Variants in ERBB4 observed in about 807,000 individuals in gnomAD.
ERBB4 encodes the protein erb-b2 receptor tyrosine kinase 4.
ERBB4 carries 42 observed loss-of-function variants against 158.0 expected under a neutral mutation model. The ratio of observed to expected loss-of-function variants is 0.27; its 90% CI spans 0.21 to 0.34. ERBB4 has a LOEUF of 0.34. Ranked by LOEUF, ERBB4 falls within the 10% of genes least tolerant of loss-of-function variation. The pLI is 1.00. For synonymous variants in ERBB4, 583 were observed against 558.7 expected, an observed-to-expected ratio of 1.04 and a Z score of -0.61; for missense variants, 1,333 against 1,624.1, an observed-to-expected ratio of 0.82 and a Z score of 3.08.
chr2:212,163,219 G>A (rs566212017), intron 1 of ERBB4, among the ~76,000 whole-genome samples: 96 of 152,006 alleles, frequency 6.3e-4, no homozygotes, highest in African/African-American at 2.2e-3. Context: ...GTGTGTGTAT[G>A]TATATATACT....
intron 3 of ERBB4, among the ~76,000 whole-genome samples, chr2:211,936,311 CT>C (rs527876609): frequency 1.9e-4 from 29 of 151,546 alleles, no homozygotes; most frequent in Non-Finnish European, 2.5e-4. Flanking sequence ...TTTATATCAG[CT>C]TTTTTCAACA....
intron 2 of ERBB4, among the ~76,000 whole-genome samples, chr2:211,952,637 A>C (rs1259442384): frequency 2.6e-5 from 4 of 152,096 alleles, no homozygotes; most frequent in Non-Finnish European, 5.9e-5. Context: ...TTGGACTCCA[A>C]ACCTAGCCTT....
Position 212,321,625 on chromosome 2 carries a change from G to T in ERBB4, c.83-196722C>A, listed in dbSNP as rs992496650. 6.6e-5 allele frequency among the ~76,000 whole-genome samples: 10 copies of T among 150,446 alleles called. 1 individual carries two copies. The highest frequency in any genetic ancestry group is 1.5e-4 in the Non-Finnish European group (10 of 67,110). On this transcript the variant is annotated intron_variant, in intron 1 of 27. Transcript: ENST00000342788. ...GATCACTTGCACCAAGGTGTTCAAG[G>T]CTGCAATAAACTAGGATTGTACCAT...
At position 211,639,020 on chromosome 2, in the gene ERBB4, A is replaced by G. The variant is rs533061052; in HGVS notation, c.1947-8426T>C. Among the ~76,000 whole-genome samples, 232 of 152,300 alleles carry G rather than the reference A, an allele frequency of 1.5e-3. 1 individual carries two copies. Among genetic ancestry groups the G allele is most frequent in the Non-Finnish European group, 6.9e-4 (47 of 68,010 alleles). ...TCTACACCCAGGATTTTCTACAACT[A>G]AAGTGTTGAAAACGAATTACGCCAG... On this transcript the variant is annotated intron_variant, in intron 16 of 27. Transcript: ENST00000342788.
intron 15 of ERBB4, 107 bp downstream of exon 15, chr2:211,665,216 T>G: frequency 9.1e-7 from 1 of 1,102,086 alleles, no homozygotes; most frequent in Non-Finnish European, 1.4e-6. Flanking sequence ...ATATAAGGAT[T>G]AGTAGAGTTC....
At chr2:211,888,902 C>G (rs1204343900) in intron 3 of ERBB4, among the ~76,000 whole-genome samples, 1 of 151,700 alleles carries the variant, frequency 6.6e-6, no homozygotes, top group Non-Finnish European at 1.5e-5. Context: ...GGTCCTACGC[C>G]CACGGAGTCT....
At chr2:212,412,100 A>C (rs1055430058) in intron 1 of ERBB4, among the ~76,000 whole-genome samples, 1 of 152,236 alleles carries the variant, frequency 6.6e-6, no homozygotes, top group African/African-American at 2.4e-5. Context: ...ACTCATGGAA[A>C]GAATCATGCC....
intron 2 of ERBB4, among the ~76,000 whole-genome samples, chr2:211,996,347 T>C (rs947862844): frequency 6.6e-6 from 1 of 152,120 alleles, no homozygotes; most frequent in Non-Finnish European, 1.5e-5. Flanking sequence ...TTAGTAACTA[T>C]TGATACTAGA....
intron 1 of ERBB4, among the ~76,000 whole-genome samples, chr2:212,351,396 C>T (rs898896947): frequency 6.6e-6 from 1 of 152,156 alleles, no homozygotes; most frequent in Non-Finnish European, 1.5e-5. Context: ...TTAAGCTACC[C>T]AGCTGTTGTT....
At chr2:212,219,814 T>C (rs1415234697) in intron 1 of ERBB4, among the ~76,000 whole-genome samples, 5 of 151,296 alleles carry the variant, frequency 3.3e-5, no homozygotes, top group African/African-American at 1.2e-4. Context: ...AGGAGCAAAA[T>C]AGAAACCTGC....
chr2:212,348,394 T>G (rs993884076), intron 1 of ERBB4, among the ~76,000 whole-genome samples: 5 of 151,892 alleles, frequency 3.3e-5, no homozygotes, highest in Non-Finnish European at 7.4e-5. Context: ...AAGATGAGAG[T>G]GAAGTTAAAC....
At chr2:211,640,604 C>G (rs528048096) in intron 16 of ERBB4, among the ~76,000 whole-genome samples, 3 of 152,078 alleles carry the variant, frequency 2.0e-5, no homozygotes, top group African/African-American at 7.2e-5. Flanking sequence ...AGCCTAGACT[C>G]TTAGTATATT....
chr2:212,341,985 ATGG>A (rs1467544520), intron 1 of ERBB4, among the ~76,000 whole-genome samples: 2 of 152,262 alleles, frequency 1.3e-5, no homozygotes, highest in East Asian at 3.9e-4. Context: ...AGGGCTGGAC[ATGG>A]TGGTTCAGAC....
chr2:211,620,787 G>A (rs1223330304), intron 18 of ERBB4, among the ~76,000 whole-genome samples: 2 of 151,936 alleles, frequency 1.3e-5, no homozygotes, highest in Non-Finnish European at 2.9e-5. Context: ...TGAAGACATG[G>A]CATCAATATT....
chr2:212,435,775 A>G (rs2092123684), intron 1 of ERBB4, among the ~76,000 whole-genome samples: 2 of 152,016 alleles, frequency 1.3e-5, no homozygotes, highest in South Asian at 2.1e-4. Flanking sequence ...AAAATTATAC[A>G]TGGCTCAAGC....
chr2:212,141,557 G>A (rs2080478645), intron 1 of ERBB4, among the ~76,000 whole-genome samples: 4 of 151,850 alleles, frequency 2.6e-5, no homozygotes, highest in African/African-American at 9.7e-5. Context: ...ATTTCTAAAA[G>A]TTTATCCACT....
chr2:212,027,174 A>G (rs1416883331), intron 2 of ERBB4, among the ~76,000 whole-genome samples: 1 of 151,962 alleles, frequency 6.6e-6, no homozygotes, highest in East Asian at 1.9e-4. Flanking sequence ...TCATGTAAAA[A>G]CCAAGCTGAG....
At chr2:211,947,067 T>A (rs572218783) in intron 3 of ERBB4, among the ~76,000 whole-genome samples, 1 of 152,242 alleles carries the variant, frequency 6.6e-6, no homozygotes, top group Non-Finnish European at 1.5e-5. Context: ...AGCTTGGATA[T>A]TACTAAGCGC....
intron 1 of ERBB4, among the ~76,000 whole-genome samples, chr2:212,275,941 T>G (rs1052760834): frequency 4.6e-5 from 7 of 151,860 alleles, no homozygotes; most frequent in Non-Finnish European, 1.0e-4. Flanking sequence ...TTAGTATTTC[T>G]AGGCTATACA....
Sources: allele counts gnomAD v4.1 joint callset (sites outside exome capture counted in the v4.1 genomes callset), GRCh38; gene constraint gnomAD v4.1.1; transcripts MANE v1.5; gene names NCBI Gene and HGNC (gene_info 2026-07-23, HGNC 2026-07-21).